TFAP4: variants seen among roughly 807,000 people sequenced by gnomAD.
The protein encoded by TFAP4 is activating enhancer-binding protein 4.
A neutral mutation model predicts 40.4 loss-of-function variants in TFAP4; 7 were observed. That is an observed-to-expected ratio of 0.17 (90% CI 0.10 to 0.33). The LOEUF (loss-of-function observed/expected upper bound fraction) is 0.33. TFAP4 is among the 10% of genes least tolerant of loss of function. The pLI, the probability that TFAP4 is intolerant of heterozygous loss-of-function variation, is 1.00. For missense variants in TFAP4, 374 were observed against 451.1 expected (o/e 0.83, Z 1.55); for synonymous variants, 218 against 181.4 (o/e 1.20, Z -1.62).
chr16:4,260,847 C>G (rs1458333526), intron 4 of TFAP4, among the ~76,000 whole-genome samples: 1 of 152,280 alleles, frequency 6.6e-6, no homozygotes, highest in Non-Finnish European at 1.5e-5. Context: ...ACACCTTTCT[C>G]TGTCCTTTGG....
intron 6 of TFAP4, 74 bp from the exon 7 acceptor site, chr16:4,258,323 G>C (rs1366842100): frequency 4.9e-5 from 68 of 1,393,190 alleles, no homozygotes; most frequent in Non-Finnish European, 3.9e-6. Context: ...GGGGCTCTCA[G>C]CCAGCCACTG....
intron 6 of TFAP4, 121 bp downstream of exon 6, chr16:4,259,969 C>A (rs2052930667): frequency 2.3e-6 from 3 of 1,324,192 alleles, no homozygotes; most frequent in Admixed American, 5.2e-5. Context: ...TTCCAGCCCT[C>A]CACCCCTTCC....
rs1261492202 is a variant in TFAP4 at position 4,272,688 on chromosome 16, G to A, written c.59C>T (p.Thr20Ile). ...GAGCCCTCCTATCACTTCTTTCTCT[G>A]TTTTCCTGAAATGTTGCAAAGAGGG... Reference protein sequence around the residue: ...KVPSLQHFRKTEKEVIGGLCS... With the variant: ...KVPSLQHFRKIEKEVIGGLCS... The change falls in exon 1 of 7, where the codon ACA becomes ATA. Residue 20 changes from threonine (T) to isoleucine (I), a missense_variant. By Grantham distance (89) the Thr-to-Ile change is moderately conservative (BLOSUM62 -1). This residue lies in a region of TFAP4 where 51 missense variants were observed against 59.3 expected (regional missense o/e 0.86). Transcript: ENST00000204517. The A allele has an allele frequency of 6.2e-7, 1 of 1,613,290 alleles. No individual in the cohort carries two copies. The highest frequency in any genetic ancestry group is 1.3e-5 in the African/African-American group (1 of 74,846).
At chr16:4,271,156 A>T (rs1464149314) in intron 1 of TFAP4, among the ~76,000 whole-genome samples, 1 of 152,216 alleles carries the variant, frequency 6.6e-6, no homozygotes, top group Non-Finnish European at 1.5e-5. Flanking sequence ...GCCCAAGTCT[A>T]GGTATTGACT....
chr16:4,272,344 G>A (rs974102868), intron 1 of TFAP4, among the ~76,000 whole-genome samples: 1 of 152,118 alleles, frequency 6.6e-6, no homozygotes, highest in African/African-American at 2.4e-5. Context: ...GCGCGGGGGG[G>A]AAGGCCACCA....
At chr16:4,260,635 A>G in intron 4 of TFAP4, 40 bp from the exon 5 acceptor site, 1 of 1,550,270 alleles carries the variant, frequency 6.5e-7, no homozygotes, top group Non-Finnish European at 8.7e-7. Context: ...CAAGGCCGGG[A>G]GCACACCCTG....
chr16:4,271,623 C>T (rs954560913), intron 1 of TFAP4, among the ~76,000 whole-genome samples: 4 of 152,196 alleles, frequency 2.6e-5, no homozygotes, highest in East Asian at 1.9e-4. Context: ...TGCAAAGTGG[C>T]TTCTGGGGAG....
intron 1 of TFAP4, among the ~76,000 whole-genome samples, chr16:4,269,619 G>A (rs1430198305): frequency 2.0e-5 from 3 of 151,586 alleles, no homozygotes; most frequent in African/African-American, 7.3e-5. Flanking sequence ...AGACCATCCT[G>A]GCCAAAATGG....
intron 1 of TFAP4, chr16:4,264,314 G>C (rs760280164): frequency 3.9e-5 from 6 of 152,500 alleles, no homozygotes; most frequent in Non-Finnish European, 8.8e-5. Context: ...CTGCCCATCT[G>C]TCCAGCCTTG....
rs1246175687 is a variant in TFAP4 at position 4,257,916 on chromosome 16, A to G, written c.*139T>C. 3.2e-5 allele frequency: 27 copies of G among 834,322 alleles called. No homozygotes were observed. The highest frequency in any genetic ancestry group is 4.9e-5 in the Non-Finnish European group (27 of 550,152). The allele number at this position is 834,322 out of a possible 1,614,324, so 51.7% of individuals were successfully genotyped here. A position where few individuals can be genotyped will look rare whatever the true frequency, so the allele number is the denominator to read the frequency against. ...CTTCGTTCAAAGGTCGATTTACAGT[A>G]TTGAAAAAGAGGTCATAAAAGAGAC... On this transcript the variant is annotated 3_prime_UTR_variant, in exon 7 of 7. Transcript: ENST00000204517.
intron 4 of TFAP4, 121 bp downstream of exon 4, chr16:4,261,657 TG>T: frequency 8.4e-7 from 1 of 1,184,918 alleles, no homozygotes; most frequent in Non-Finnish European, 1.1e-6. Flanking sequence ...CTCCTAGGCC[TG>T]GCACCGCAGT....
intron 6 of TFAP4, among the ~76,000 whole-genome samples, 187 bp downstream of exon 6, chr16:4,259,903 G>A (rs1344595564): frequency 1.3e-5 from 2 of 152,210 alleles, no homozygotes; most frequent in Non-Finnish European, 2.9e-5. Context: ...GCCCTGCCCC[G>A]ATCTCTGGCC....
At position 4,272,974 on chromosome 16, in the gene TFAP4, G is replaced by A. The variant is rs866343477; in HGVS notation, c.-228C>T. ...TGTGTATGTGTGTGTGTGTGTGTGT[G>A]TGTGTGTGTGTGTGTGTGTGTGTGT... On this transcript the variant is annotated 5_prime_UTR_variant, in exon 1 of 7. Transcript: ENST00000204517. 56 of 490,792 alleles carry A rather than the reference G, an allele frequency of 1.1e-4. 1 individual carries two copies. Among genetic ancestry groups the A allele is most frequent in the South Asian group, 1.1e-3 (38 of 34,068 alleles). 30.4% of individuals were successfully genotyped at this position (490,792 alleles called of 1,614,324 possible).
rs1032370415 is a variant in TFAP4, at chr16:4,271,123, C to A, written c.89+1535G>T. Among the ~76,000 whole-genome samples the A allele has an allele frequency of 3.9e-5, 6 of 152,270 alleles. No individual in the cohort carries two copies. In the South Asian group the frequency reaches 1.0e-3, roughly 26 times the overall value. On this transcript the variant is annotated intron_variant, in intron 1 of 6. Coordinates refer to ENST00000204517, the MANE Select transcript of TFAP4 (RefSeq NM_003223.3). ...AGGGCCAGCCCTCGGGGCATCCCTG[C>A]CAGCTGCCAAACCCATCAACTGGCC...
chr16:4,259,566 G>A (rs1182885025), intron 6 of TFAP4, among the ~76,000 whole-genome samples: 1 of 151,992 alleles, frequency 6.6e-6, no homozygotes, highest in Non-Finnish European at 1.5e-5. Flanking sequence ...TCCTGTTTTG[G>A]CTTTTTTGGT....
At chr16:4,272,413 C>G (rs1555459833) in intron 1 of TFAP4, among the ~76,000 whole-genome samples, 2 of 152,100 alleles carry the variant, frequency 1.3e-5, no homozygotes, top group Non-Finnish European at 2.9e-5. Context: ...AATTTACAAA[C>G]GTCGCGACTC....
chr16:4,268,237 C>T (rs942730774), intron 1 of TFAP4, among the ~76,000 whole-genome samples: 11 of 152,146 alleles, frequency 7.2e-5, no homozygotes, highest in Non-Finnish European at 1.6e-4. Flanking sequence ...TCAGACCAGC[C>T]AGGCCAAGAT....
chr16:4,258,007 C>G lies in TFAP4; in HGVS notation c.*48G>C. ...CGCCCATGTCTCTCCCTGTGGCTGC[C>G]CCGGCTCCCTCCAGCCCCCAGAAGG... On this transcript the variant is annotated 3_prime_UTR_variant, in exon 7 of 7. Transcript: ENST00000204517. 1 of 1,568,238 alleles carries G rather than the reference C, an allele frequency of 6.4e-7. No homozygotes were observed. The highest frequency in any genetic ancestry group is 8.6e-7 in the Non-Finnish European group (1 of 1,156,660).
At chr16:4,259,136 TG>T (rs556986267) in intron 6 of TFAP4, among the ~76,000 whole-genome samples, 2 of 152,128 alleles carry the variant, frequency 1.3e-5, no homozygotes, top group East Asian at 1.9e-4. Context: ...CATATGTTTT[TG>T]TTTGTTTGTT....
Sources: gnomAD v4.1 joint callset for allele counts (sites outside exome capture counted in the v4.1 genomes callset) on GRCh38, gnomAD v4.1.1 for gene constraint, gnomAD v4.1.1 regional missense constraint, MANE v1.5 for transcripts, NCBI Gene and HGNC (gene_info 2026-07-23, HGNC 2026-07-21) for gene names.